KCND3: variants seen among roughly 807,000 people sequenced by gnomAD.
The protein encoded by KCND3 is potassium voltage-gated channel subfamily D member 3, also known as A-type voltage-gated potassium channel KCND3.
In KCND3, 9 loss-of-function variants were observed where a neutral mutation model predicts 51.1. That is an observed-to-expected ratio of 0.18 (90% CI 0.11 to 0.31). The LOEUF (loss-of-function observed/expected upper bound fraction) is 0.31, where lower values mean the gene tolerates loss of function less well. Among genes scored for constraint, KCND3 ranks in the 10% least tolerant of loss-of-function variants. The pLI is 1.00. For missense variants in KCND3, 526 were observed against 903.8 expected (o/e 0.58, Z 5.36); for synonymous variants, 349 against 368.0 (o/e 0.95, Z 0.59).
intron 2 of KCND3, among the ~76,000 whole-genome samples, chr1:111,958,342 C>T (rs1320156229): frequency 6.6e-6 from 1 of 152,172 alleles, no homozygotes; most frequent in Admixed American, 6.5e-5. Flanking sequence ...TGAGCTGCAG[C>T]CAAGGTAGGA....
intron 2 of KCND3, among the ~76,000 whole-genome samples, chr1:111,950,346 C>T (rs963235055): frequency 5.2e-4 from 79 of 152,036 alleles, no homozygotes; most frequent in African/African-American, 1.8e-3. Context: ...GGCTGGTAAC[C>T]CACTGTTTGA....
chr1:111,835,161 G>A (rs1167437352), intron 2 of KCND3, among the ~76,000 whole-genome samples: 4 of 152,208 alleles, frequency 2.6e-5, no homozygotes. Flanking sequence ...CTAGCTGAGG[G>A]TCTAATTCCT....
intron 2 of KCND3, among the ~76,000 whole-genome samples, chr1:111,950,797 C>T (rs899184127): frequency 3.3e-5 from 5 of 152,156 alleles, no homozygotes; most frequent in Non-Finnish European, 5.9e-5. Flanking sequence ...AGAGAGTAAG[C>T]GACAAAGAGG....
intron 2 of KCND3, among the ~76,000 whole-genome samples, chr1:111,957,338 G>A (rs1011689608): frequency 2.0e-5 from 3 of 152,230 alleles, no homozygotes; most frequent in African/African-American, 7.2e-5. Flanking sequence ...CCCCACCCGA[G>A]GAACGTGATG....
At chr1:111,955,739 T>G in intron 2 of KCND3, among the ~76,000 whole-genome samples, 1 of 152,234 alleles carries the variant, frequency 6.6e-6, no homozygotes, top group Non-Finnish European at 1.5e-5. Context: ...GAATGAATTC[T>G]TTTAGTTTTT....
Position 111,780,393 on chromosome 1 carries a change from G to C in KCND3, c.1372-79C>G, listed in dbSNP as rs1039350683. The C allele has an allele frequency of 1.5e-6, 2 of 1,312,186 alleles. No homozygotes were observed. The highest frequency in any genetic ancestry group is 1.3e-5 in the South Asian group (1 of 79,184). The allele number at this position is 1,312,186 out of a possible 1,614,324, so 81.3% of individuals were successfully genotyped here. On this transcript the variant is annotated intron_variant, in intron 4 of 7. Transcript: ENST00000302127. The surrounding 1 kb of genome is among the most constrained non-coding windows in gnomAD (Gnocchi z 4.2). ...CAGCTCCTTCATTTCTCCACTAAAG[G>C]TCAAAGGGCAATAGAATAATCAAAT... is the stretch of plus-strand genomic sequence containing the variant.
chr1:111,895,487 T>C (rs1173567438), intron 2 of KCND3, among the ~76,000 whole-genome samples: 3 of 152,234 alleles, frequency 2.0e-5, no homozygotes, highest in African/African-American at 4.8e-5. Context: ...ATCTGTGACA[T>C]AGCGAGCACT....
intron 2 of KCND3, among the ~76,000 whole-genome samples, chr1:111,936,245 T>C (rs1471873897): frequency 6.6e-6 from 1 of 152,146 alleles, no homozygotes. Flanking sequence ...CTCAGACATT[T>C]TTAGCTTAAT....
chr1:111,850,074 C>T (rs895901493), intron 2 of KCND3, among the ~76,000 whole-genome samples: 2 of 152,146 alleles, frequency 1.3e-5, no homozygotes, highest in Non-Finnish European at 2.9e-5. Context: ...GACATCTCAC[C>T]GCGCTCCTTC....
intron 2 of KCND3, among the ~76,000 whole-genome samples, chr1:111,947,524 G>C (rs925527871): frequency 1.3e-5 from 2 of 152,232 alleles, no homozygotes; most frequent in Non-Finnish European, 2.9e-5. Flanking sequence ...ACTTGGAGAG[G>C]TTAAATTACT....
chr1:111,956,551 C>T (rs376316989), intron 2 of KCND3, among the ~76,000 whole-genome samples: 3 of 152,182 alleles, frequency 2.0e-5, no homozygotes, highest in Non-Finnish European at 2.9e-5. Flanking sequence ...CTCTCCAAGC[C>T]GGGCCTGGGC....
chr1:111,775,834 CTCCCTT>C lies in KCND3; in HGVS notation c.*237_*242del. On this transcript the variant is annotated 3_prime_UTR_variant, in exon 8 of 8. Coordinates refer to ENST00000302127, the MANE Select transcript of KCND3 (RefSeq NM_001378969.1). ...CCTATCCCCGACCCCCCCACCCTCCCTCCCTTCCTCTGGCCCCAGTGAGATGCAGTA... is the reference window on the plus strand; with the variant it reads ...CCTATCCCCGACCCCCCCACCCTCCCCCTCTGGCCCCAGTGAGATGCAGTA... 1.9e-5 allele frequency: 3 copies of C among 161,132 alleles called. No homozygotes were observed. Among genetic ancestry groups the C allele is most frequent in the East Asian group, 1.8e-4 (1 of 5,496 alleles). 10.0% of individuals were successfully genotyped at this position (161,132 alleles called of 1,614,324 possible).
chr1:111,858,245 C>T (rs1668178326), intron 2 of KCND3, among the ~76,000 whole-genome samples: 1 of 152,192 alleles, frequency 6.6e-6, no homozygotes, highest in Non-Finnish European at 1.5e-5. Context: ...ATCCCTTCTC[C>T]CTTGCCATTT....
chr1:111,954,231 C>T (rs561761331), intron 2 of KCND3, among the ~76,000 whole-genome samples: 169 of 152,298 alleles, frequency 1.1e-3, no homozygotes, highest in Non-Finnish European at 2.0e-3. Flanking sequence ...TTATGAACCT[C>T]CCCTCAACTG....
intron 2 of KCND3, among the ~76,000 whole-genome samples, chr1:111,792,576 A>C (rs930258034): frequency 1.3e-5 from 2 of 152,106 alleles, no homozygotes; most frequent in Admixed American, 6.5e-5. Context: ...GTGGTCTCTG[A>C]GTGTCAGGCT....
intron 2 of KCND3, among the ~76,000 whole-genome samples, chr1:111,807,029 A>C (rs529897786): frequency 1.3e-5 from 2 of 152,342 alleles, no homozygotes; most frequent in South Asian, 4.2e-4. Flanking sequence ...CCAGGTGACT[A>C]GCACAGTAAA....
intron 2 of KCND3, among the ~76,000 whole-genome samples, chr1:111,819,764 C>A (rs767489863): frequency 3.9e-5 from 6 of 152,200 alleles, no homozygotes; most frequent in Non-Finnish European, 8.8e-5. Flanking sequence ...GAAGGTCTCC[C>A]AGCACCTGTC....
chr1:111,833,592 A>G (rs1472997205), intron 2 of KCND3, among the ~76,000 whole-genome samples: 2 of 152,266 alleles, frequency 1.3e-5, no homozygotes, highest in African/African-American at 4.8e-5. Flanking sequence ...TGAGGAAAAG[A>G]GAACAAATTA....
In KCND3 at chr1:111,975,593, C is replaced by T. The variant is rs1415867830; in HGVS notation, c.1106+6028G>A. On this transcript the variant is annotated intron_variant, in intron 2 of 7. Transcript: ENST00000302127. ...TACAAGGTATTTACTATCTGGCAGC[C>T]AGAGCAATCCTTTAAAAATGCAAGT... 3.3e-5 allele frequency among the ~76,000 whole-genome samples: 5 copies of T among 152,170 alleles called. No homozygotes were observed. In the East Asian group the frequency reaches 7.7e-4, roughly 23 times the overall value.
Sources: gnomAD v4.1 joint callset for allele counts (sites outside exome capture counted in the v4.1 genomes callset) on GRCh38, gnomAD v4.1.1 for gene constraint, Gnocchi (gnomAD v3.1) non-coding constraint, MANE v1.5 for transcripts, NCBI Gene and HGNC (gene_info 2026-07-23, HGNC 2026-07-21) for gene names.